The following PTPRG variants were observed in gnomAD, a reference collection of about 807,000 sequenced individuals.
The protein encoded by PTPRG is receptor-type tyrosine-protein phosphatase gamma.
Under a neutral mutation model 165.3 loss-of-function variants are expected in PTPRG, and 102 were observed. The ratio of observed to expected loss-of-function variants is 0.62; its 90% CI spans 0.53 to 0.73. The LOEUF is 0.73. PTPRG is among the 30% of genes least tolerant of loss of function. PTPRG has a pLI of 0.00. For synonymous variants in PTPRG, 675 were observed against 669.5 expected, an observed-to-expected ratio of 1.01 and a Z score of -0.13; for missense variants, 1,866 against 1,861.4, an observed-to-expected ratio of 1.00 and a Z score of -0.05.
At chr3:62,139,294 A>G (rs1375198273) in intron 6 of PTPRG, among the ~76,000 whole-genome samples, 1 of 152,008 alleles carries the variant, frequency 6.6e-6, no homozygotes, top group Non-Finnish European at 1.5e-5. Context: ...TTGAAACCCC[A>G]TCTCTACTAC....
intron 2 of PTPRG, among the ~76,000 whole-genome samples, chr3:61,814,134 C>T (rs1004621820): frequency 6.6e-6 from 1 of 152,222 alleles, no homozygotes; most frequent in Non-Finnish European, 1.5e-5. Flanking sequence ...CTCCTGACCT[C>T]AGGCAATCTG....
intron 6 of PTPRG, among the ~76,000 whole-genome samples, chr3:62,155,432 C>T (rs570956389): frequency 1.6e-4 from 24 of 152,300 alleles, no homozygotes; most frequent in South Asian, 1.2e-3. Context: ...GGATTCTAAA[C>T]CCAGCTACCT....
rs942795524 is a variant in PTPRG at position 61,634,329 on chromosome 3, C to T, written c.85+71957C>T. ...CTCGGCTCACTGCAGCCTCCGCCTC[C>T]CAGGTTCAAGCGATTCTTCTTGCCT... On this transcript the variant is annotated intron_variant, in intron 1 of 29. Transcript: ENST00000474889. Among the ~76,000 whole-genome samples, 9 of 152,034 alleles carry T rather than the reference C, an allele frequency of 5.9e-5. No individual in the cohort carries two copies. The South Asian group carries it at 1.9e-3, about 32-fold the overall frequency.
At chr3:61,615,254 AG>A (rs67228649) in intron 1 of PTPRG, among the ~76,000 whole-genome samples, 67 of 152,262 alleles carry the variant, frequency 4.4e-4, no homozygotes, top group Non-Finnish European at 6.8e-4. Context: ...GGAACCATTT[AG>A]AATCACGTGT....
At chr3:62,075,213 C>G (rs934216243) in intron 4 of PTPRG, among the ~76,000 whole-genome samples, 7 of 152,084 alleles carry the variant, frequency 4.6e-5, no homozygotes, top group African/African-American at 1.7e-4. Flanking sequence ...ACACGCTATT[C>G]GGGTGATGCA....
At chr3:62,284,351 T>A (rs1702559597) in intron 28 of PTPRG, among the ~76,000 whole-genome samples, 1 of 151,986 alleles carries the variant, frequency 6.6e-6, no homozygotes, top group African/African-American at 2.4e-5. Context: ...TGAAAATATA[T>A]CCCCTCCAGA....
rs1020354826 is a variant in PTPRG, at chr3:62,062,934, A to G, written c.520-15229A>G. Among the ~76,000 whole-genome samples the G allele has an allele frequency of 5.3e-5, 8 of 152,200 alleles. No homozygotes were observed. In the East Asian group the frequency reaches 1.5e-3, roughly 29 times the overall value. The stretch of plus-strand genomic sequence containing the variant: ...CTCCCAGAGTGCTGGGATTACAGGC[A>G]TGAGCCACCATGCCCAGCCAATTTT... On this transcript the variant is annotated intron_variant, in intron 4 of 29. Coordinates refer to ENST00000474889, the MANE Select transcript of PTPRG (RefSeq NM_002841.4).
At chr3:62,283,986 C>T (rs1317454657) in intron 28 of PTPRG, among the ~76,000 whole-genome samples, 1 of 152,076 alleles carries the variant, frequency 6.6e-6, no homozygotes, top group Non-Finnish European at 1.5e-5. Flanking sequence ...TTAAATAGCA[C>T]AGACAGCCTC....
chr3:62,110,652 C>T (rs1382306330), intron 5 of PTPRG, among the ~76,000 whole-genome samples: 2 of 152,046 alleles, frequency 1.3e-5, no homozygotes, highest in African/African-American at 4.8e-5. Flanking sequence ...GTCCCATTAG[C>T]ATTTGTATTG....
At position 62,273,048 on chromosome 3, in the gene PTPRG, C is replaced by G. The variant is rs375991892; in HGVS notation, c.3285C>G (p.Ile1095Met). 2 of 1,613,642 alleles carry G rather than the reference C, an allele frequency of 1.2e-6. No individual in the cohort carries two copies. The highest frequency in any genetic ancestry group is 1.7e-6 in the Non-Finnish European group (2 of 1,179,748). Residue 1095 changes from isoleucine to methionine, a missense_variant, in exon 22 of 30, where the codon ATC becomes ATG. Ile to Met is a conservative substitution (Grantham distance 10, BLOSUM62 1). This residue lies in a region of PTPRG where 1,452 missense variants were observed against 1,463.0 expected (regional missense o/e 0.99). Coordinates refer to ENST00000474889, the MANE Select transcript of PTPRG (RefSeq NM_002841.4). This position sits in a 1 kb window ranked among gnomAD's most constrained non-coding sequence, Gnocchi z 4.1. ...TVNVLGFLKH[I>M]RTQRNYLVQT... ...ACGTCCTGGGATTCCTGAAGCATAT[C>G]AGGACACAGCGTAACTACCTCGTCC... is the stretch of plus-strand genomic sequence containing the variant.
At chr3:62,199,755 T>G (rs1047597956) in intron 10 of PTPRG, among the ~76,000 whole-genome samples, 1 of 152,218 alleles carries the variant, frequency 6.6e-6, no homozygotes, top group Admixed American at 6.5e-5. Context: ...GCACTTTTGT[T>G]TTTTGAAAGA....
At chr3:61,708,601 C>T (rs1575602093) in intron 1 of PTPRG, among the ~76,000 whole-genome samples, 1 of 151,654 alleles carries the variant, frequency 6.6e-6, no homozygotes, top group East Asian at 1.9e-4. Flanking sequence ...ACTACAGGCG[C>T]CTGCCACCAC....
chr3:61,910,332 C>T (rs904829432), intron 2 of PTPRG, among the ~76,000 whole-genome samples: 19 of 152,328 alleles, frequency 1.2e-4, no homozygotes, highest in African/African-American at 3.8e-4. Flanking sequence ...GATGACTCTA[C>T]TGTTGCTCTG....
At chr3:62,178,111 A>G (rs1705500448) in intron 8 of PTPRG, among the ~76,000 whole-genome samples, 2 of 151,666 alleles carry the variant, frequency 1.3e-5, no homozygotes, top group African/African-American at 2.4e-5. Context: ...GGATGGATGG[A>G]TGTGTGGATC....
At chr3:62,261,508 T>C (rs1409389660) in intron 16 of PTPRG, among the ~76,000 whole-genome samples, 2 of 152,066 alleles carry the variant, frequency 1.3e-5, no homozygotes, top group African/African-American at 4.8e-5. Context: ...ACAGAATATA[T>C]TGGAGTTTAG....
At chr3:61,680,514 AAAAACAC>A (rs898213691) in intron 1 of PTPRG, among the ~76,000 whole-genome samples, 3 of 146,466 alleles carry the variant, frequency 2.0e-5, no homozygotes, top group African/African-American at 7.5e-5. Flanking sequence ...AAAAAAAAAA[AAAAACAC>A]AAAAAAACAG....
In PTPRG at chr3:61,999,296, C is replaced by T. The variant is rs572237984; in HGVS notation, c.371-4053C>T. 1.4e-3 allele frequency among the ~76,000 whole-genome samples: 211 copies of T among 152,256 alleles called. 2 individuals carry two copies. The highest frequency in any genetic ancestry group is 2.4e-3 in the Non-Finnish European group (164 of 68,012). Reference sequence around the variant, plus strand: ...TCCTAACCTCAGGTGATCCGCCCCCCTCAGCCTCCCAAAGCGCTGGGGTTA... The same window carrying T: ...TCCTAACCTCAGGTGATCCGCCCCCTTCAGCCTCCCAAAGCGCTGGGGTTA... On this transcript the variant is annotated intron_variant, in intron 3 of 29. Coordinates refer to ENST00000474889, the MANE Select transcript of PTPRG (RefSeq NM_002841.4).
chr3:62,142,945 G>A (rs1055862333), intron 6 of PTPRG, among the ~76,000 whole-genome samples: 1 of 152,156 alleles, frequency 6.6e-6, no homozygotes, highest in African/African-American at 2.4e-5. Context: ...ATATAGAAAG[G>A]CAAGCAAAGC....
At chr3:61,887,168 A>ATTTT (rs1209683592) in intron 2 of PTPRG, among the ~76,000 whole-genome samples, 4 of 107,076 alleles carry the variant, frequency 3.7e-5, no homozygotes, top group East Asian at 6.6e-4. Flanking sequence ...ATATATATAT[A>ATTTT]TATTTTTAAT....
Sources: gnomAD v4.1 joint callset for allele counts (sites outside exome capture counted in the v4.1 genomes callset) on GRCh38, gnomAD v4.1.1 for gene constraint, gnomAD v4.1.1 regional missense constraint, Gnocchi (gnomAD v3.1) non-coding constraint, MANE v1.5 for transcripts, NCBI Gene and HGNC (gene_info 2026-07-23, HGNC 2026-07-21) for gene names.